Variants in LMNA observed in about 807,000 individuals in gnomAD.
LMNA encodes the protein lamin A/C.
A neutral mutation model predicts 70.4 loss-of-function variants in LMNA; 20 were observed. The ratio of observed to expected loss-of-function variants is 0.28; its 90% confidence interval spans 0.20 to 0.41. The LOEUF is 0.41. Ranked by LOEUF, LMNA falls within the 10% of genes least tolerant of loss-of-function variation. The pLI is 1.00. For synonymous variants in LMNA, 339 were observed against 372.8 expected (o/e 0.91, Z 1.04); for missense variants, 652 against 917.2 (o/e 0.71, Z 3.73).
chr1:156,126,618 A>G (rs772293163), intron 1 of LMNA: 1 of 1,017,524 alleles, frequency 9.8e-7, no homozygotes, highest in South Asian at 1.3e-5. Flanking sequence ...CCCACCAGGC[A>G]CAGCTCTTCA....
At chr1:156,128,135 G>A (rs1038194621) in intron 1 of LMNA, among the ~76,000 whole-genome samples, 2 of 152,090 alleles carry the variant, frequency 1.3e-5, no homozygotes, top group East Asian at 1.9e-4. Context: ...AGCACCTATC[G>A]CATAGGGTAG....
intron 3 of LMNA, among the ~76,000 whole-genome samples, chr1:156,095,346 T>G (rs1209055236): frequency 6.6e-6 from 1 of 152,100 alleles, no homozygotes; most frequent in Admixed American, 6.5e-5. Context: ...CAATAAAAAT[T>G]TATTGAGTAA....
chr1:156,130,836 C>A, intron 2 of LMNA, 63 bp downstream of exon 2: 1 of 1,479,644 alleles, frequency 6.8e-7, no homozygotes, highest in Non-Finnish European at 9.2e-7. Flanking sequence ...CACTCTTCTA[C>A]CTAGGCCCTC....
At chr1:156,105,953 CTTAAAAAAAAACA>C (rs755460995) in intron 3 of LMNA, among the ~76,000 whole-genome samples, 3 of 151,650 alleles carry the variant, frequency 2.0e-5, no homozygotes, top group Non-Finnish European at 2.9e-5. Flanking sequence ...CCCGTCTCTA[CTTAAAAAAAAACA>C]GAAAACAAAA....
chr1:156,101,883 G>A (rs1039837561), intron 3 of LMNA, among the ~76,000 whole-genome samples: 3 of 152,024 alleles, frequency 2.0e-5, no homozygotes, highest in Non-Finnish European at 2.9e-5. Context: ...AGATGAAGGA[G>A]GAGAGGCTGA....
In LMNA at chr1:156,135,391, GGGGGT is replaced by G; in HGVS notation, c.936+84_936+88del. Reference sequence around the variant, plus strand: ...AGGCTGGAAGCCCAGGGTTGGGGGTGGGGGTGGGGGTGGGAGGTTCCTGAGGAGGA... The same window carrying G: ...AGGCTGGAAGCCCAGGGTTGGGGGTGGGGGGTGGGAGGTTCCTGAGGAGGA... On this transcript the variant is annotated intron_variant, in intron 5 of 11. Transcript: ENST00000368300. The surrounding 1 kb of genome is among the most constrained non-coding windows in gnomAD (Gnocchi z 4.8). 1 of 1,462,820 alleles carries G rather than the reference GGGGGT, an allele frequency of 6.8e-7. No individual in the cohort carries two copies. The highest frequency in any genetic ancestry group is 2.5e-5 in the East Asian group (1 of 39,482). The allele number at this position is 1,462,820 out of a possible 1,614,324, so 90.6% of individuals were successfully genotyped here.
upstream of LMNA, chr1:156,114,665 T>A: frequency 5.6e-5 from 15 of 268,270 alleles, no homozygotes; most frequent in East Asian, 1.0e-4. Flanking sequence ...CCCTCCTCCC[T>A]TCAGAGGAGG....
Position 156,137,704 on chromosome 1 carries a change from C to T in LMNA, c.1659C>T (p.Asp553=), listed in dbSNP as rs748768783. The T allele has an allele frequency of 5.1e-6, 8 of 1,555,726 alleles. No homozygotes were observed. The South Asian group carries it at 7.1e-5, about 14-fold the overall frequency. Residue 553 remains aspartate, a synonymous_variant, in exon 10 of 12, where the codon GAC becomes GAT. Transcript: ENST00000368300. This position sits in a 1 kb window ranked among gnomAD's most constrained non-coding sequence, Gnocchi z 4.6. The part of the protein sequence containing the change: ...LVRSVTVVED[D]EDEDGDDLLH... ...GCTCAGTGACTGTGGTTGAGGACGA[C>T]GAGGATGAGGATGGAGATGACCTGC...
intron 3 of LMNA, among the ~76,000 whole-genome samples, chr1:156,095,629 T>C (rs1482830376): frequency 6.6e-6 from 1 of 152,096 alleles, no homozygotes; most frequent in Non-Finnish European, 1.5e-5. Context: ...AGTGCTGGGA[T>C]TACAGGCGTG....
rs182603653 is a variant in LMNA, at chr1:156,093,092, G to A, written c.-207+2510G>A. Among the ~76,000 whole-genome samples the A allele has an allele frequency of 4.3e-3, 658 of 151,418 alleles. 2 individuals carry two copies. The highest frequency in any genetic ancestry group is 0.015 in the African/African-American group (620 of 41,296). ...TTTTGTAGAGACAGTGTTTCACCATGTTGGCCAGGCTGGTTCGAACTCCTG... is the reference window on the plus strand; with the variant it reads ...TTTTGTAGAGACAGTGTTTCACCATATTGGCCAGGCTGGTTCGAACTCCTG... On this transcript the variant is annotated intron_variant, in intron 3 of 12. Coordinates refer to the LMNA transcript ENST00000368301.
chr1:156,105,912 A>G (rs1166074628), intron 3 of LMNA, among the ~76,000 whole-genome samples: 1 of 151,982 alleles, frequency 6.6e-6, no homozygotes, highest in Non-Finnish European at 1.5e-5. Flanking sequence ...AGGCCAGGAG[A>G]CCGAGACCAT....
chr1:156,136,864 A>T lies in LMNA; in HGVS notation c.1381-57A>T. 2 of 1,442,422 alleles carry T rather than the reference A, an allele frequency of 1.4e-6. No individual in the cohort carries two copies. Among genetic ancestry groups the T allele is most frequent in the Non-Finnish European group, 1.9e-6 (2 of 1,041,128 alleles). The allele number at this position is 1,442,422 out of a possible 1,614,324, so 89.4% of individuals were successfully genotyped here. On this transcript the variant is annotated intron_variant, in intron 7 of 11. Coordinates refer to ENST00000368300, the MANE Select transcript of LMNA (RefSeq NM_170707.4). This position sits in a 1 kb window ranked among gnomAD's most constrained non-coding sequence, Gnocchi z 6.1. ...AGAGGGCTGGGCCTTTGAGCAAGAT[A>T]CACCCAAGAGCCTGGGTGAGCCTCC...
chr1:156,132,837 C>CT lies in LMNA; in HGVS notation c.514-1546dup, dbSNP rs34451254. On this transcript the variant is annotated intron_variant, in intron 2 of 11. Coordinates refer to ENST00000368300, the MANE Select transcript of LMNA (RefSeq NM_170707.4). ...GCCATGTTCTCCTCTCTCTCTCTCT[C>CT]TTTTTTTTTTTTTTTTTTTTGAGAT... is the stretch of plus-strand genomic sequence containing the variant. Among the ~76,000 whole-genome samples the CT allele has an allele frequency of 2.7e-3, 251 of 93,000 alleles. 3 individuals are homozygous for CT. Among genetic ancestry groups the CT allele is most frequent in the African/African-American group, 5.4e-3 (126 of 23,504 alleles). 61.0% of individuals were successfully genotyped at this position (93,000 alleles called of 152,430 possible).
At chr1:156,093,148 C>T (rs186974003) in intron 3 of LMNA, among the ~76,000 whole-genome samples, 3 of 151,988 alleles carry the variant, frequency 2.0e-5, no homozygotes, top group East Asian at 1.9e-4. Flanking sequence ...CTTGGCCCCC[C>T]CAAAGTGCTG....
At chr1:156,113,595 G>A (rs61813332), upstream of LMNA, among the ~76,000 whole-genome samples, 3 of 152,260 alleles carry the variant, frequency 2.0e-5, no homozygotes, top group Admixed American at 2.0e-4. Flanking sequence ...GCAAGGCTGT[G>A]GGGTCTTTGC....
chr1:156,121,924 G>A (rs556079187), intron 1 of LMNA, among the ~76,000 whole-genome samples: 2 of 152,098 alleles, frequency 1.3e-5, no homozygotes, highest in South Asian at 4.1e-4. Flanking sequence ...AGAAGCCGAG[G>A]GGAACAGATC....
Position 156,135,019 on chromosome 1 carries a change from A to G in LMNA, c.810+44A>G. On this transcript the variant is annotated intron_variant, in intron 4 of 11. Coordinates refer to ENST00000368300, the MANE Select transcript of LMNA (RefSeq NM_170707.4). This position sits in a 1 kb window ranked among gnomAD's most constrained non-coding sequence, Gnocchi z 4.8. Reference sequence around the variant, plus strand: ...TTCCCTCACTGCCTCTGCCCTTGGCAGCCCTACCCTTACCCACGCTGGGCT... The same window carrying G: ...TTCCCTCACTGCCTCTGCCCTTGGCGGCCCTACCCTTACCCACGCTGGGCT... 6.2e-7 allele frequency: 1 copy of G among 1,613,436 alleles called. No individual in the cohort carries two copies. The highest frequency in any genetic ancestry group is 1.1e-5 in the South Asian group (1 of 91,008).
intron 1 of LMNA, among the ~76,000 whole-genome samples, chr1:156,122,986 G>C (rs1203919256): frequency 1.3e-5 from 2 of 152,232 alleles, no homozygotes. Context: ...GCTGAAGCCA[G>C]GAATAATTCT....
chr1:156,128,355 C>T (rs1650769889), intron 1 of LMNA, among the ~76,000 whole-genome samples: 1 of 152,188 alleles, frequency 6.6e-6, no homozygotes, highest in Non-Finnish European at 1.5e-5. Flanking sequence ...TCTATGTTTT[C>T]CTCAGTCAGT....
Sources: gnomAD v4.1 joint callset for allele counts (sites outside exome capture counted in the v4.1 genomes callset) on GRCh38, gnomAD v4.1.1 for gene constraint, Gnocchi (gnomAD v3.1) non-coding constraint, MANE v1.5 for transcripts, NCBI Gene and HGNC (gene_info 2026-07-23, HGNC 2026-07-21) for gene names.